R3HDM2: variants seen among roughly 807,000 people sequenced by gnomAD.
The protein encoded by R3HDM2 is R3H domain containing 2.
Under a neutral mutation model 124.5 loss-of-function variants are expected in R3HDM2, and 38 were observed. The ratio of observed to expected loss-of-function variants is 0.31; its 90% CI spans 0.24 to 0.40. R3HDM2 has a LOEUF of 0.40. Among genes scored for constraint, R3HDM2 ranks in the 10% least tolerant of loss-of-function variants. R3HDM2 has a pLI of 1.00. For synonymous variants in R3HDM2, 391 were observed against 448.0 expected (o/e 0.87, Z 1.61); for missense variants, 869 against 1,236.9 (o/e 0.70, Z 4.46).
chr12:57,425,861 C>T (rs1363444177), intron 1 of R3HDM2, among the ~76,000 whole-genome samples: 1 of 152,032 alleles, frequency 6.6e-6, no homozygotes, highest in African/African-American at 2.4e-5. Context: ...CCAAACCGCC[C>T]CAAAGAGAAA....
At chr12:57,348,693 CAA>C (rs1168127324) in intron 2 of R3HDM2, among the ~76,000 whole-genome samples, 412 of 25,080 alleles carry the variant, frequency 0.016, 2 homozygotes, top group African/African-American at 0.064. Context: ...GACTCCGTCT[CAA>C]AAAAAAAAAA....
chr12:57,300,293 T>C lies in R3HDM2; in HGVS notation c.208-112A>G. On this transcript the variant is annotated intron_variant, in intron 4 of 23. Transcript: ENST00000402412. ...GAATGAAAAGTGTCCTCTTTGGCTCTGTTAGTTGCTGTTTCCATTAAACAG... is the reference window on the plus strand; with the variant it reads ...GAATGAAAAGTGTCCTCTTTGGCTCCGTTAGTTGCTGTTTCCATTAAACAG... The C allele has an allele frequency of 4.7e-6, 4 of 846,204 alleles. No homozygotes were observed. In the South Asian group the frequency reaches 5.0e-5, roughly 10 times the overall value. 52.4% of individuals were successfully genotyped at this position (846,204 alleles called of 1,614,324 possible).
chr12:57,319,554 C>A (rs1023466045), intron 2 of R3HDM2, among the ~76,000 whole-genome samples: 1 of 152,162 alleles, frequency 6.6e-6, no homozygotes, highest in African/African-American at 2.4e-5. Context: ...CTGTGCGAGT[C>A]ATAAAGAACA....
intron 3 of R3HDM2, among the ~76,000 whole-genome samples, chr12:57,305,982 AG>A (rs1404470011): frequency 6.6e-6 from 1 of 152,240 alleles, no homozygotes; most frequent in Non-Finnish European, 1.5e-5. Context: ...GGCTTCCTAG[AG>A]AAAGACATCA....
intron 1 of R3HDM2, among the ~76,000 whole-genome samples, chr12:57,399,327 G>A (rs527670824): frequency 2.6e-5 from 4 of 152,222 alleles, no homozygotes; most frequent in South Asian, 4.2e-4. Context: ...GCTTGAACCC[G>A]AGAGGTGGAG....
intron 3 of R3HDM2, among the ~76,000 whole-genome samples, chr12:57,304,958 G>A (rs1023236718): frequency 1.3e-5 from 2 of 152,310 alleles, no homozygotes; most frequent in Admixed American, 6.5e-5. Context: ...GCCAAGGTGG[G>A]CAATCACCTG....
intron 3 of R3HDM2, among the ~76,000 whole-genome samples, chr12:57,304,095 T>A (rs752958276): frequency 7.2e-5 from 11 of 152,154 alleles, no homozygotes; most frequent in Admixed American, 3.3e-4. Flanking sequence ...TCTGTTCCTA[T>A]AGCTGCAGAA....
intron 11 of R3HDM2, among the ~76,000 whole-genome samples, chr12:57,291,267 A>T (rs190551258): frequency 8.6e-4 from 129 of 149,384 alleles, no homozygotes; most frequent in African/African-American, 2.7e-3. Context: ...ATGATGAAAA[A>T]ATATATATAT....
intron 1 of R3HDM2, among the ~76,000 whole-genome samples, chr12:57,413,096 T>C (rs1330330247): frequency 6.6e-6 from 1 of 151,608 alleles, no homozygotes; most frequent in East Asian, 1.9e-4. Flanking sequence ...GAGGTTGCAG[T>C]GAGCTAAGAT....
chr12:57,311,451 C>T (rs950042133), intron 2 of R3HDM2, among the ~76,000 whole-genome samples: 1 of 152,056 alleles, frequency 6.6e-6, no homozygotes, highest in Non-Finnish European at 1.5e-5. Context: ...TGGTCTTGAT[C>T]TCCTGATCTC....
At chr12:57,365,416 G>A (rs1566354826) in intron 2 of R3HDM2, among the ~76,000 whole-genome samples, 1 of 152,072 alleles carries the variant, frequency 6.6e-6, no homozygotes, top group African/African-American at 2.4e-5. Context: ...AATTTTAGGA[G>A]GGCTCAATTC....
chr12:57,428,863 C>A (rs1214526936), intron 1 of R3HDM2, among the ~76,000 whole-genome samples: 7 of 151,774 alleles, frequency 4.6e-5, no homozygotes, highest in Admixed American at 4.6e-4. Context: ...TCTCCCACCT[C>A]AGCCTGCCAA....
chr12:57,318,668 G>GA (rs1479511210), intron 2 of R3HDM2, among the ~76,000 whole-genome samples: 4 of 151,144 alleles, frequency 2.6e-5, no homozygotes, highest in Non-Finnish European at 4.4e-5. Context: ...AGAAAGAAAA[G>GA]AAAAAAGAAA....
intron 14 of R3HDM2, 78 bp downstream of exon 14, chr12:57,280,280 G>T: frequency 6.9e-7 from 1 of 1,443,856 alleles, no homozygotes; most frequent in South Asian, 1.4e-5. Context: ...GCCACCCACA[G>T]CACAAGAGAC....
chr12:57,386,503 C>T (rs1028558714), intron 2 of R3HDM2, among the ~76,000 whole-genome samples: 5 of 152,250 alleles, frequency 3.3e-5, no homozygotes, highest in South Asian at 4.1e-4. Flanking sequence ...GCTGCCTCCC[C>T]TCGGGGCAGG....
chr12:57,428,310 G>T (rs1204340694), intron 1 of R3HDM2, among the ~76,000 whole-genome samples: 1 of 151,992 alleles, frequency 6.6e-6, no homozygotes, highest in African/African-American at 2.4e-5. Context: ...TAGGGGAAAA[G>T]GGTGCCACAG....
chr12:57,332,284 ACACACC>A (rs1224850640), intron 2 of R3HDM2, among the ~76,000 whole-genome samples: 3 of 151,212 alleles, frequency 2.0e-5, no homozygotes, highest in African/African-American at 7.3e-5. Context: ...GTGTGGTGAC[ACACACC>A]TGTAGTCCCA....
At chr12:57,319,598 AAAG>A (rs1320687925) in intron 2 of R3HDM2, among the ~76,000 whole-genome samples, 11 of 152,126 alleles carry the variant, frequency 7.2e-5, no homozygotes, top group African/African-American at 2.7e-4. Context: ...GCTCTTTGTA[AAAG>A]AAAACTTTAC....
chr12:57,350,702 C>G (rs993081250), intron 2 of R3HDM2, among the ~76,000 whole-genome samples: 17 of 152,222 alleles, frequency 1.1e-4, no homozygotes, highest in Non-Finnish European at 7.3e-5. Context: ...TGCCTGTAAT[C>G]TCGACACTTT....
Sources: gnomAD v4.1 joint callset for allele counts (sites outside exome capture counted in the v4.1 genomes callset) on GRCh38, gnomAD v4.1.1 for gene constraint, MANE v1.5 for transcripts, NCBI Gene and HGNC (gene_info 2026-07-23, HGNC 2026-07-21) for gene names.